The following CCSER2 variants were observed in gnomAD, a reference collection of about 807,000 sequenced individuals.
CCSER2 encodes the protein serine-rich coiled-coil domain-containing protein 2.
Under a neutral mutation model 92.3 loss-of-function variants are expected in CCSER2, and 46 were observed. The ratio of observed to expected loss-of-function variants is 0.50; its 90% confidence interval spans 0.39 to 0.64. CCSER2 has a LOEUF of 0.64. Among genes scored for constraint, CCSER2 ranks in the 30% least tolerant of loss-of-function variants. The probability of loss-of-function intolerance (pLI) is 0.00; values close to 1 mark genes in which losing one functional copy is unlikely to be tolerated. For synonymous variants in CCSER2, 433 were observed against 431.4 expected, an observed-to-expected ratio of 1.00 and a Z score of -0.04; for missense variants, 1,244 against 1,238.9, an observed-to-expected ratio of 1.00 and a Z score of -0.06.
chr10:84,381,204 G>A (rs1840887844), intron 3 of CCSER2, among the ~76,000 whole-genome samples: 1 of 152,144 alleles, frequency 6.6e-6, no homozygotes, highest in African/African-American at 2.4e-5. Context: ...ACTTATTAAT[G>A]CCAGGGATAT....
At chr10:84,379,161 C>T (rs1290878427) in intron 3 of CCSER2, among the ~76,000 whole-genome samples, 1 of 152,142 alleles carries the variant, frequency 6.6e-6, no homozygotes, top group Admixed American at 6.5e-5. Flanking sequence ...TAGATATTGG[C>T]ATATTAAAAT....
chr10:84,449,227 T>C (rs1413660718), intron 6 of CCSER2, among the ~76,000 whole-genome samples: 2 of 151,808 alleles, frequency 1.3e-5, no homozygotes, highest in Non-Finnish European at 2.9e-5. Flanking sequence ...ATACAAAAAT[T>C]AGCCAGGCAT....
At chr10:84,339,380 A>AT (rs1288497476) in intron 1 of CCSER2, among the ~76,000 whole-genome samples, 2 of 152,068 alleles carry the variant, frequency 1.3e-5, no homozygotes, top group African/African-American at 4.8e-5. Flanking sequence ...TTTTATTAGC[A>AT]TACAGATAGT....
intron 1 of CCSER2, among the ~76,000 whole-genome samples, chr10:84,364,490 G>A (rs910961128): frequency 1.3e-5 from 2 of 152,264 alleles, no homozygotes; most frequent in East Asian, 3.9e-4. Context: ...TTATGAATTT[G>A]TGACTTTGGA....
chr10:84,405,051 C>T (rs1277002123), intron 3 of CCSER2, among the ~76,000 whole-genome samples: 1 of 152,106 alleles, frequency 6.6e-6, no homozygotes, highest in Non-Finnish European at 1.5e-5. Context: ...CAGAACAAAG[C>T]TGGAGGAATT....
At chr10:84,378,397 A>G (rs1302923016) in intron 3 of CCSER2, among the ~76,000 whole-genome samples, 1 of 150,474 alleles carries the variant, frequency 6.6e-6, no homozygotes, top group Non-Finnish European at 1.5e-5. Context: ...TAGATTTTCT[A>G]ATTTTTATAT....
intron 4 of CCSER2, among the ~76,000 whole-genome samples, chr10:84,423,533 GC>G (rs1365921884): frequency 6.6e-6 from 1 of 152,088 alleles, no homozygotes; most frequent in African/African-American, 2.4e-5. Context: ...CCATCTCCTG[GC>G]CTATTCGCCC....
At chr10:84,385,034 C>CACACACACACACACACACACACACACACA (rs61236890) in intron 3 of CCSER2, among the ~76,000 whole-genome samples, 2 of 151,426 alleles carry the variant, frequency 1.3e-5, no homozygotes, top group African/African-American at 4.9e-5. Context: ...CACACACACA[C>CACACACACACACACACACACACACACACA]CCAGGAATAC....
intron 1 of CCSER2, among the ~76,000 whole-genome samples, chr10:84,354,673 G>A (rs750222220): frequency 6.6e-5 from 10 of 150,796 alleles, no homozygotes; most frequent in Non-Finnish European, 1.2e-4. Context: ...TTTGACCATC[G>A]TTCCTGTACT....
chr10:84,388,118 C>T (rs888475506), intron 3 of CCSER2, among the ~76,000 whole-genome samples: 3 of 152,200 alleles, frequency 2.0e-5, no homozygotes, highest in Non-Finnish European at 4.4e-5. Context: ...CTGCCTTGGC[C>T]TCCCAAAGTG....
At chr10:84,346,401 A>C (rs945746390) in intron 1 of CCSER2, among the ~76,000 whole-genome samples, 4 of 152,132 alleles carry the variant, frequency 2.6e-5, no homozygotes, top group Admixed American at 6.5e-5. Context: ...AAAAAAAAAA[A>C]ACTAAATATT....
chr10:84,453,088 A>G (rs1368825128), intron 6 of CCSER2, among the ~76,000 whole-genome samples: 1 of 152,200 alleles, frequency 6.6e-6, no homozygotes, highest in Non-Finnish European at 1.5e-5. Flanking sequence ...TTTTTGAAGC[A>G]TATTAATAAC....
intron 9 of CCSER2, among the ~76,000 whole-genome samples, chr10:84,509,038 T>G (rs1454915792): frequency 6.6e-6 from 1 of 152,200 alleles, no homozygotes; most frequent in Non-Finnish European, 1.5e-5. Context: ...TTTTAAAAGG[T>G]CATTATGAGA....
intron 9 of CCSER2, among the ~76,000 whole-genome samples, chr10:84,499,206 G>T (rs1032054178): frequency 1.3e-5 from 2 of 152,048 alleles, no homozygotes; most frequent in African/African-American, 4.8e-5. Flanking sequence ...CGTCATCTCG[G>T]CTCACTGCAA....
chr10:84,399,957 A>G (rs1842034398), intron 3 of CCSER2, among the ~76,000 whole-genome samples: 1 of 151,426 alleles, frequency 6.6e-6, no homozygotes, highest in African/African-American at 2.4e-5. Flanking sequence ...GTTAAGTGGT[A>G]TTTTATTGTG....
chr10:84,438,280 A>C (rs1844310754), intron 5 of CCSER2, among the ~76,000 whole-genome samples: 1 of 152,232 alleles, frequency 6.6e-6, no homozygotes, highest in African/African-American at 2.4e-5. Flanking sequence ...TTATTCTTCC[A>C]GTATGTAAAA....
intron 1 of CCSER2, among the ~76,000 whole-genome samples, chr10:84,357,671 T>C (rs546332935): frequency 9.5e-4 from 145 of 152,214 alleles, no homozygotes; most frequent in African/African-American, 3.3e-3. Context: ...AGGATGGTCT[T>C]GATCTCCTGA....
At chr10:84,420,381 A>G (rs570288883) in intron 4 of CCSER2, among the ~76,000 whole-genome samples, 29 of 152,342 alleles carry the variant, frequency 1.9e-4, no homozygotes, top group African/African-American at 7.0e-4. Flanking sequence ...AAGAACATGG[A>G]TCTAAAATAT....
At chr10:84,404,129 G>T (rs1842257773) in intron 3 of CCSER2, among the ~76,000 whole-genome samples, 1 of 152,116 alleles carries the variant, frequency 6.6e-6, no homozygotes, top group Non-Finnish European at 1.5e-5. Flanking sequence ...ATGCCAAAGG[G>T]TCACATCCTG....
Sources: gnomAD v4.1 joint callset for allele counts (sites outside exome capture counted in the v4.1 genomes callset) on GRCh38, gnomAD v4.1.1 for gene constraint, MANE v1.5 for transcripts, NCBI Gene and HGNC (gene_info 2026-07-23, HGNC 2026-07-21) for gene names.